The following ERAP1 variants were observed in gnomAD, a reference collection of about 807,000 sequenced individuals.
ERAP1 encodes the protein adipocyte-derived leucine aminopeptidase.
A neutral mutation model predicts 103.7 loss-of-function variants in ERAP1; 86 were observed. That is an observed-to-expected ratio of 0.83 (90% CI 0.70 to 0.99). The LOEUF (loss-of-function observed/expected upper bound fraction) is 0.99, where lower values mean the gene tolerates loss of function less well. Among genes scored for constraint, ERAP1 ranks in the 50% least tolerant of loss-of-function variants. The pLI is 0.00. For synonymous variants in ERAP1, 398 were observed against 402.4 expected, an observed-to-expected ratio of 0.99 and a Z score of 0.13; for missense variants, 1,009 against 1,128.4, an observed-to-expected ratio of 0.89 and a Z score of 1.52.
chr5:96,880,309 C>T, the ERAP1 span: 28 of 1,482,222 alleles, frequency 1.9e-5, no homozygotes, highest in Admixed American at 2.5e-4. Flanking sequence ...AATTTCCTTA[C>T]GAGTTACATC....
chr5:96,792,553 A>G (rs1776848810), intron 7 of ERAP1, among the ~76,000 whole-genome samples: 1 of 152,228 alleles, frequency 6.6e-6, no homozygotes, highest in Non-Finnish European at 1.5e-5. Flanking sequence ...GTTTTAGAGC[A>G]AAGATACTTA....
chr5:96,902,552 C>A, the ERAP1 span: 1 of 489,096 alleles, frequency 2.0e-6, no homozygotes, highest in Non-Finnish European at 3.7e-6. Flanking sequence ...AGTTCTCTTG[C>A]GCTTTTATCA....
chr5:96,903,416 T>A, the ERAP1 span: 1 of 1,613,668 alleles, frequency 6.2e-7, no homozygotes. Context: ...TGGGTGAAAT[T>A]TAATGTGGAC....
the ERAP1 span, among the ~76,000 whole-genome samples, chr5:96,845,574 C>T: frequency 6.6e-6 from 1 of 152,142 alleles, no homozygotes; most frequent in Non-Finnish European, 1.5e-5. Flanking sequence ...AAATATTTTA[C>T]ACATAAAATT....
chr5:96,826,864 T>C, the ERAP1 span, among the ~76,000 whole-genome samples: 5 of 152,214 alleles, frequency 3.3e-5, no homozygotes, highest in African/African-American at 1.2e-4. Flanking sequence ...GATCAGTTTC[T>C]CTAACTATAG....
At chr5:96,814,566 T>C in the ERAP1 span, among the ~76,000 whole-genome samples, 1 of 152,188 alleles carries the variant, frequency 6.6e-6, no homozygotes, top group Non-Finnish European at 1.5e-5. Context: ...TGGTTCTTCA[T>C]TGAGCTGAAA....
intron 3 of ERAP1, 136 bp downstream of exon 3, chr5:96,800,726 T>TA (rs1777893961): frequency 1.1e-6 from 1 of 950,866 alleles, no homozygotes; most frequent in Admixed American, 2.0e-5. Flanking sequence ...GCATAGGTTA[T>TA]AAATGAAAAG....
chr5:96,810,544 A>G (rs1779092594), upstream of ERAP1, among the ~76,000 whole-genome samples: 1 of 152,222 alleles, frequency 6.6e-6, no homozygotes, highest in South Asian at 2.1e-4. Context: ...TTCTACTCAC[A>G]TTGCATTGGC....
rs1398847950 is a variant in ERAP1, at chr5:96,803,789, T to C, written c.138A>G (p.Pro46=). 6.2e-7 allele frequency: 1 copy of C among 1,614,168 alleles called. No homozygotes were observed. The highest frequency in any genetic ancestry group is 2.2e-5 in the East Asian group (1 of 44,886). The change falls in exon 2 of 19, where the codon CCA becomes CCG. Residue 46 remains proline, a synonymous_variant. Coordinates refer to ENST00000443439, the MANE Select transcript of ERAP1 (RefSeq NM_001040458.3). ...EASPKRSDGT[P]FPWNKIRLPE... ...GAAGTCGTATTTTATTCCAAGGAAA[T>C]GGTGTCCCATCACTACGTTTTGGAG...
At chr5:96,823,574 T>C in the ERAP1 span, among the ~76,000 whole-genome samples, 1 of 152,216 alleles carries the variant, frequency 6.6e-6, no homozygotes, top group Admixed American at 6.5e-5. Context: ...ATACACATTT[T>C]CTTATTTTAT....
chr5:96,858,769 G>A, the ERAP1 span, among the ~76,000 whole-genome samples: 2 of 152,140 alleles, frequency 1.3e-5, no homozygotes, highest in Admixed American at 1.3e-4. Flanking sequence ...ATCATGGTAT[G>A]TAAATAGATA....
the ERAP1 span, among the ~76,000 whole-genome samples, chr5:96,845,772 T>C: frequency 2.6e-5 from 4 of 152,228 alleles, no homozygotes; most frequent in South Asian, 8.3e-4. Flanking sequence ...TTAGATTAGA[T>C]ATCTCTAAGA....
the ERAP1 span, among the ~76,000 whole-genome samples, chr5:96,870,504 A>G: frequency 6.6e-6 from 1 of 152,082 alleles, no homozygotes; most frequent in African/African-American, 2.4e-5. Context: ...GAACATTTAA[A>G]CCAAAACGAA....
chr5:96,781,771 T>A lies in ERAP1; in HGVS notation c.2369A>T (p.Gln790Leu). The stretch of plus-strand genomic sequence containing the variant: ...TTTCTCAGTACTGGACAAAGAAAAC[T>A]GATATTTACTATAAAGAAAATCCCA... ...EGWDFLYSKYQFSLSSTEKSQ... is the reference protein window; with the variant it reads ...EGWDFLYSKYLFSLSSTEKSQ... The change falls in exon 16 of 19, where the codon CAG becomes CTG. Residue 790 changes from glutamine (Q) to leucine (L), a missense_variant. Transcript: ENST00000443439. 1 of 1,614,176 alleles carries A rather than the reference T, an allele frequency of 6.2e-7. No homozygotes were observed. The highest frequency in any genetic ancestry group is 1.1e-5 in the South Asian group (1 of 91,080).
At chr5:96,826,942 A>G in the ERAP1 span, among the ~76,000 whole-genome samples, 10 of 152,366 alleles carry the variant, frequency 6.6e-5, no homozygotes, top group African/African-American at 2.4e-4. Flanking sequence ...TTTTTAGTGC[A>G]AGGAATAGCT....
chr5:96,818,584 C>T, the ERAP1 span, among the ~76,000 whole-genome samples: 1 of 152,048 alleles, frequency 6.6e-6, no homozygotes, highest in Non-Finnish European at 1.5e-5. Flanking sequence ...TGCAGGTTTT[C>T]TGAGTTCATC....
At chr5:96,800,015 T>C (rs573281606) in intron 3 of ERAP1, among the ~76,000 whole-genome samples, 1 of 152,338 alleles carries the variant, frequency 6.6e-6, no homozygotes, top group South Asian at 2.1e-4. Flanking sequence ...ATGATATTGC[T>C]TCCCCGGTCA....
At chr5:96,809,252 C>T (rs1779002761), upstream of ERAP1, among the ~76,000 whole-genome samples, 2 of 152,196 alleles carry the variant, frequency 1.3e-5, no homozygotes, top group African/African-American at 4.8e-5. Context: ...TACCTTCTAT[C>T]TCATTCTGTG....
chr5:96,928,048 G>C, the ERAP1 span, among the ~76,000 whole-genome samples: 1 of 152,142 alleles, frequency 6.6e-6, no homozygotes, highest in African/African-American at 2.4e-5. Flanking sequence ...TGGGATTACA[G>C]ACACAGACCA....
Sources: gnomAD v4.1 joint callset for allele counts (sites outside exome capture counted in the v4.1 genomes callset) on GRCh38, gnomAD v4.1.1 for gene constraint, MANE v1.5 for transcripts, NCBI Gene and HGNC (gene_info 2026-07-23, HGNC 2026-07-21) for gene names.